Variants in KIF5A observed in about 807,000 individuals in gnomAD.
The protein encoded by KIF5A is kinesin heavy chain isoform 5A.
Under a neutral mutation model 141.3 loss-of-function variants are expected in KIF5A, and 35 were observed. The ratio of observed to expected loss-of-function variants is 0.25; its 90% CI spans 0.19 to 0.33. KIF5A has a LOEUF of 0.33. KIF5A is among the 10% of genes least tolerant of loss of function. KIF5A has a pLI of 1.00. For missense variants in KIF5A, 861 were observed against 1,314.3 expected (o/e 0.66, Z 5.33); for synonymous variants, 448 against 500.2 (o/e 0.90, Z 1.39).
Position 57,550,345 on chromosome 12 carries a change from T to G in KIF5A, c.74T>G (p.Leu25Arg), listed in dbSNP as rs771847226. The change falls in exon 1 of 29, where the codon CTG becomes CGG. Residue 25 changes from leucine (L) to arginine (R), a missense_variant. Leu to Arg is a moderately radical substitution (Grantham distance 102). This residue lies in a region of KIF5A where 59 missense variants were observed against 81.1 expected (regional missense o/e 0.73). Transcript: ENST00000455537. The surrounding 1 kb of genome is among the most constrained non-coding windows in gnomAD (Gnocchi z 4.6). The stretch of plus-strand genomic sequence containing the variant: ...CGGCCCCTGAACCAGGCTGAGATTC[T>G]GCGGGGAGACAAGTTCATCCCCATT... The part of the protein sequence containing the change: ...RFRPLNQAEI[L>R]RGDKFIPIFQ... The G allele has an allele frequency of 6.2e-7, 1 of 1,614,196 alleles. No individual in the cohort carries two copies. Among genetic ancestry groups the G allele is most frequent in the Non-Finnish European group, 8.5e-7 (1 of 1,180,026 alleles).
At chr12:57,578,604 A>G (rs1882500726) in intron 23 of KIF5A, among the ~76,000 whole-genome samples, 1 of 152,086 alleles carries the variant, frequency 6.6e-6, no homozygotes, top group African/African-American at 2.4e-5. Flanking sequence ...TTGGAGGGAG[A>G]GGTTGAAACT....
At chr12:57,581,786 C>A (rs996897591) in intron 25 of KIF5A, 84 bp from the exon 26 acceptor site, 3 of 1,358,058 alleles carry the variant, frequency 2.2e-6, no homozygotes, top group African/African-American at 1.4e-5. Flanking sequence ...GCAGCTCTAT[C>A]ACTGAGGATG....
rs1882384650 is a variant in KIF5A at position 57,575,206 on chromosome 12, GGA to G, written c.1841_1842del (p.Glu614ValfsTer23). 6.2e-7 allele frequency: 1 copy of G among 1,613,776 alleles called. No individual in the cohort carries two copies. The highest frequency in any genetic ancestry group is 1.3e-5 in the African/African-American group (1 of 74,910). Reference protein sequence around the residue: ...RCRQLENLQVECHRKMEVTGR... With the variant: ...RCRQLENLQVXCHRKMEVTGR... ...GCCGGCAGCTGGAGAACCTCCAGGT[GGA>G]GTGTCACCGCAAGATGGAAGTGACC... On this transcript the variant is annotated frameshift_variant, in exon 16 of 29. Coordinates refer to ENST00000455537, the MANE Select transcript of KIF5A (RefSeq NM_004984.4). LOFTEE classifies it high-confidence loss of function.
At chr12:57,563,411 C>G in intron 1 of KIF5A, 28 bp from the exon 2 acceptor site, 1 of 1,513,074 alleles carries the variant, frequency 6.6e-7, no homozygotes, top group African/African-American at 1.4e-5. Flanking sequence ...TGCCTGTTGA[C>G]GTCTGATATC....
rs1025383338 is a variant in KIF5A at position 57,567,225 on chromosome 12, T to C, written c.589+12T>C. 3 of 1,593,350 alleles carry C rather than the reference T, an allele frequency of 1.9e-6. No individual in the cohort carries two copies. The highest frequency in any genetic ancestry group is 2.6e-6 in the Non-Finnish European group (3 of 1,161,576). ...TGTGGCTGTCACCAGTGAGTGAGGA[T>C]ACAAGGGGATCTCTCGAGTCTGAGG... On this transcript the variant is annotated intron_variant, in intron 7 of 28. Transcript: ENST00000455537.
At chr12:57,580,260 G>A (rs1882556026) in intron 23 of KIF5A, among the ~76,000 whole-genome samples, 1 of 152,258 alleles carries the variant, frequency 6.6e-6, no homozygotes, top group Non-Finnish European at 1.5e-5. Flanking sequence ...AAGTCTTTTC[G>A]GGCTGCAGGG....
At chr12:57,575,035 A>C in intron 15 of KIF5A, 49 bp from the exon 16 acceptor site, 1 of 1,583,242 alleles carries the variant, frequency 6.3e-7, no homozygotes, top group Non-Finnish European at 8.7e-7. Context: ...GGAACAGATA[A>C]AGCTTCCCAG....
intron 17 of KIF5A, 108 bp downstream of exon 17, chr12:57,575,865 G>A: frequency 2.1e-6 from 2 of 958,740 alleles, no homozygotes; most frequent in East Asian, 2.4e-5. Context: ...TTGAAATCAT[G>A]GATGCCAACT....
intron 1 of KIF5A, among the ~76,000 whole-genome samples, chr12:57,551,193 A>C (rs1209674169): frequency 6.6e-6 from 1 of 152,166 alleles, no homozygotes; most frequent in Admixed American, 6.6e-5. Context: ...TCATCATGAC[A>C]GCCCTACCCA....
At chr12:57,580,370 A>G (rs928677184) in intron 23 of KIF5A, among the ~76,000 whole-genome samples, 3 of 152,186 alleles carry the variant, frequency 2.0e-5, no homozygotes, top group African/African-American at 7.2e-5. Context: ...TGAGACCTCA[A>G]ACATTTTCTT....
Position 57,583,099 on chromosome 12 carries a change from A to G in KIF5A, c.3021-2A>G. 6.2e-7 allele frequency: 1 copy of G among 1,612,738 alleles called. No individual in the cohort carries two copies. Among genetic ancestry groups the G allele is most frequent in the Non-Finnish European group, 8.5e-7 (1 of 1,178,928 alleles). On this transcript the variant is annotated splice_acceptor_variant, in intron 27 of 28. Coordinates refer to ENST00000455537, the MANE Select transcript of KIF5A (RefSeq NM_004984.4). LOFTEE classifies it high-confidence loss of function. ...CTGATCATGGTGGGTCTCTTCCTCC[A>G]GGAGTGACCTGCCGTGTGGCTATGA...
intron 27 of KIF5A, 177 bp downstream of exon 27, chr12:57,582,806 A>G (rs1375220343): frequency 1.0e-5 from 7 of 675,852 alleles, no homozygotes; most frequent in African/African-American, 3.6e-5. Context: ...GCCTCAGTGC[A>G]GAATATCTCC....
At chr12:57,563,094 C>T (rs1881960200) in intron 1 of KIF5A, among the ~76,000 whole-genome samples, 2 of 151,750 alleles carry the variant, frequency 1.3e-5, no homozygotes, top group South Asian at 4.2e-4. Context: ...GCAACCTCTG[C>T]CTCTCGGGTT....
chr12:57,550,456 C>T lies in KIF5A; in HGVS notation c.129+56C>T, dbSNP rs544250204. ...GGGGGCAGGTGGCTGAATCTCCCCG[C>T]CCCCCGCAGAGCCTTAGTCTCTGCT... is the stretch of plus-strand genomic sequence containing the variant. On this transcript the variant is annotated intron_variant, in intron 1 of 28. Transcript: ENST00000455537. This position sits in a 1 kb window ranked among gnomAD's most constrained non-coding sequence, Gnocchi z 4.6. The T allele has an allele frequency of 3.8e-6, 6 of 1,585,952 alleles. No individual in the cohort carries two copies. The highest frequency in any genetic ancestry group is 2.2e-5 in the East Asian group (1 of 44,644).
At chr12:57,566,706 T>A (rs900256563) in intron 6 of KIF5A, among the ~76,000 whole-genome samples, 1 of 147,648 alleles carries the variant, frequency 6.8e-6, no homozygotes, top group African/African-American at 2.5e-5. Flanking sequence ...TGAGCCACCA[T>A]GCCCGCCACT....
At chr12:57,580,533 C>G (rs1882563595) in intron 23 of KIF5A, among the ~76,000 whole-genome samples, 1 of 152,174 alleles carries the variant, frequency 6.6e-6, no homozygotes. Flanking sequence ...TGCTGCCCCA[C>G]CCTTTGCATG....
chr12:57,574,989 G>A (rs1025269689), intron 15 of KIF5A, 95 bp from the exon 16 acceptor site: 27 of 1,093,890 alleles, frequency 2.5e-5, no homozygotes, highest in Non-Finnish European at 3.4e-5. Context: ...GAGTCCCTGC[G>A]TATGTGGGTG....
chr12:57,585,527 G>T lies in KIF5A; in HGVS notation c.*1346G>T, dbSNP rs1340347420. 2 of 154,390 alleles carry T rather than the reference G, an allele frequency of 1.3e-5. No homozygotes were observed. Among genetic ancestry groups the T allele is most frequent in the African/African-American group, 4.8e-5 (2 of 41,502 alleles). The allele number at this position is 154,390 out of a possible 1,614,324, so 9.6% of individuals were successfully genotyped here. ...ACATGGTGCTAAGGTGGTTTTCTAG[G>T]TAACTGCAGGGATGGAGGTCACTAG... is the stretch of plus-strand genomic sequence containing the variant. On this transcript the variant is annotated 3_prime_UTR_variant, in exon 29 of 29. Coordinates refer to ENST00000455537, the MANE Select transcript of KIF5A (RefSeq NM_004984.4).
chr12:57,558,023 C>T (rs1881796468), intron 1 of KIF5A, among the ~76,000 whole-genome samples: 1 of 152,226 alleles, frequency 6.6e-6, no homozygotes, highest in African/African-American at 2.4e-5. Flanking sequence ...TTCCAAAAAC[C>T]TACTATACAT....
Sources: allele counts gnomAD v4.1 joint callset (sites outside exome capture counted in the v4.1 genomes callset), GRCh38; gene constraint gnomAD v4.1.1; regional missense constraint gnomAD v4.1.1; non-coding constraint Gnocchi (gnomAD v3.1); transcripts MANE v1.5; gene names NCBI Gene and HGNC (gene_info 2026-07-23, HGNC 2026-07-21).